The following ZNF469 variants were observed in gnomAD, a reference collection of about 807,000 sequenced individuals.
ZNF469 encodes zinc finger protein 469.
Under a neutral mutation model 1.0 loss-of-function variants are expected in ZNF469, and 1 was observed. The ratio of observed to expected loss-of-function variants is 1.00; its 90% confidence interval spans 0.35 to 4.73. The LOEUF (loss-of-function observed/expected upper bound fraction) is 4.73, where lower values mean the gene tolerates loss of function less well. Ranked by LOEUF, ZNF469 falls within the 30% of genes most tolerant of loss-of-function variation. The pLI is 0.16. For synonymous variants in ZNF469, 2,703 were observed against 2,363.4 expected (o/e 1.14, Z -4.17); for missense variants, 6,100 against 5,356.3 (o/e 1.14, Z -4.33).
chr16:88,358,143 G>A, the ZNF469 span, among the ~76,000 whole-genome samples: 20 of 152,194 alleles, frequency 1.3e-4, no homozygotes, highest in African/African-American at 4.1e-4. Context: ...GCCCCCAGCC[G>A]GCTTGCACTG....
At chr16:88,308,674 G>T in the ZNF469 span, among the ~76,000 whole-genome samples, 6 of 152,188 alleles carry the variant, frequency 3.9e-5, no homozygotes, top group African/African-American at 1.4e-4. Flanking sequence ...CATGGTGAGG[G>T]CTGGAAGACT....
chr16:88,392,721 C>G (rs1272569699), intron 1 of ZNF469, among the ~76,000 whole-genome samples: 1 of 152,260 alleles, frequency 6.6e-6, no homozygotes, highest in Non-Finnish European at 1.5e-5. Context: ...CACTTCCTTG[C>G]TCACCACCAG....
the ZNF469 span, among the ~76,000 whole-genome samples, chr16:88,147,879 A>G: frequency 6.6e-6 from 1 of 152,120 alleles, no homozygotes; most frequent in Non-Finnish European, 1.5e-5. Context: ...AGCCTATGGA[A>G]GGGACCCCTG....
chr16:88,103,265 G>A, the ZNF469 span, among the ~76,000 whole-genome samples: 4 of 152,198 alleles, frequency 2.6e-5, no homozygotes, highest in African/African-American at 9.6e-5. Context: ...CTTCCTGGCC[G>A]CCCTTCGGCT....
At position 88,438,800 on chromosome 16, in the gene ZNF469, C is replaced by A. The variant is rs1439658926; in HGVS notation, c.11330C>A (p.Pro3777Gln). The change falls in exon 3 of 3, where the codon CCA becomes CAA. Residue 3777 changes from proline (P) to glutamine (Q), a missense_variant. Pro to Gln is a moderately conservative substitution (Grantham distance 76). Transcript: ENST00000565624. ...AGCTTCCCCAGCCGGAGCCCTGCAC[C>A]AGAGAGGCTCCCCGCTCGAGCCCAA... ...KPSFPSRSPA[P>Q]ERLPARAQAK... The A allele has an allele frequency of 1.3e-6, 2 of 1,550,282 alleles. No individual in the cohort carries two copies. Among genetic ancestry groups the A allele is most frequent in the Admixed American group, 2.0e-5 (1 of 51,008 alleles).
At chr16:88,215,823 GC>G in the ZNF469 span, among the ~76,000 whole-genome samples, 2 of 152,192 alleles carry the variant, frequency 1.3e-5, no homozygotes, top group African/African-American at 4.8e-5. Context: ...CCTGGATAAT[GC>G]CAGAATCTTA....
chr16:88,290,155 C>T, the ZNF469 span, among the ~76,000 whole-genome samples: 58 of 152,330 alleles, frequency 3.8e-4, no homozygotes, highest in East Asian at 1.9e-3. Context: ...AGCCATGCAC[C>T]GCGGCTTAGC....
At chr16:88,355,957 T>C in the ZNF469 span, among the ~76,000 whole-genome samples, 1 of 151,996 alleles carries the variant, frequency 6.6e-6, no homozygotes, top group East Asian at 1.9e-4. Context: ...GAAGGGGGTT[T>C]TAAAGCCTCC....
chr16:88,369,899 CCTT>C, the ZNF469 span, among the ~76,000 whole-genome samples: 1 of 152,340 alleles, frequency 6.6e-6, no homozygotes, highest in African/African-American at 2.4e-5. Context: ...AGTGTCCGCT[CCTT>C]CCCTCCTGGG....
chr16:88,341,322 A>G, the ZNF469 span, among the ~76,000 whole-genome samples: 1 of 152,134 alleles, frequency 6.6e-6, no homozygotes, highest in South Asian at 2.1e-4. Context: ...CGCATGGGCC[A>G]GGGCCTCCCA....
chr16:88,109,946 G>A, the ZNF469 span, among the ~76,000 whole-genome samples: 2 of 152,238 alleles, frequency 1.3e-5, no homozygotes, highest in Admixed American at 1.3e-4. Context: ...ATGTGAGTGG[G>A]TGGCACAGGA....
chr16:88,251,127 C>T, the ZNF469 span, among the ~76,000 whole-genome samples: 1 of 152,238 alleles, frequency 6.6e-6, no homozygotes, highest in African/African-American at 2.4e-5. Flanking sequence ...ATCCACCCGC[C>T]TCAGCCTCCC....
At position 88,421,734 on chromosome 16, in the gene ZNF469, G is replaced by A. The variant is rs148555890; in HGVS notation, c.-191-3073G>A. 9.2e-5 allele frequency among the ~76,000 whole-genome samples: 14 copies of A among 152,358 alleles called. 1 individual carries two copies. Among genetic ancestry groups the A allele is most frequent in the South Asian group, 2.1e-4 (1 of 4,826 alleles). The stretch of plus-strand genomic sequence containing the variant: ...GGGGTGGGGCCACCCTTTGTTCAGC[G>A]CGGAAGAAGCACAGTTATAGACAGT... On this transcript the variant is annotated intron_variant, in intron 1 of 2. Transcript: ENST00000565624.
chr16:88,188,811 T>G, the ZNF469 span, among the ~76,000 whole-genome samples: 7 of 152,140 alleles, frequency 4.6e-5, no homozygotes, highest in Admixed American at 1.3e-4. Context: ...TCTGTGAGAT[T>G]CCGGGGGCAC....
At chr16:88,186,829 C>G in the ZNF469 span, among the ~76,000 whole-genome samples, 1 of 152,178 alleles carries the variant, frequency 6.6e-6, no homozygotes, top group African/African-American at 2.4e-5. Flanking sequence ...CGGGGGGATG[C>G]GGTCAGCCAA....
the ZNF469 span, among the ~76,000 whole-genome samples, chr16:88,285,032 G>A: frequency 4.6e-3 from 704 of 152,376 alleles, 4 homozygotes; most frequent in Non-Finnish European, 7.3e-3. Context: ...CCCTAGGGCC[G>A]GGTCTCAGGT....
chr16:88,410,860 C>G (rs540170448), intron 1 of ZNF469, among the ~76,000 whole-genome samples: 1 of 152,262 alleles, frequency 6.6e-6, no homozygotes, highest in African/African-American at 2.4e-5. Context: ...CAGGTGTGGG[C>G]AAGGCCACCT....
At chr16:88,404,893 GAC>G (rs1215162891) in intron 1 of ZNF469, among the ~76,000 whole-genome samples, 5 of 152,200 alleles carry the variant, frequency 3.3e-5, no homozygotes, top group African/African-American at 1.2e-4. Context: ...GCTTCAGGAG[GAC>G]AGAACGCAAC....
chr16:88,269,512 A>C, the ZNF469 span, among the ~76,000 whole-genome samples: 48 of 151,744 alleles, frequency 3.2e-4, no homozygotes, highest in Admixed American at 3.0e-3. Flanking sequence ...ATCTTTTCTC[A>C]ACATCTTACT....
Sources: allele counts gnomAD v4.1 joint callset (sites outside exome capture counted in the v4.1 genomes callset), GRCh38; gene constraint gnomAD v4.1.1; transcripts MANE v1.5; gene names NCBI Gene and HGNC (gene_info 2026-07-23, HGNC 2026-07-21).